SARAF: variants seen among roughly 807,000 people sequenced by gnomAD.
The protein encoded by SARAF is store-operated calcium entry-associated regulatory factor.
A neutral mutation model predicts 39.7 loss-of-function variants in SARAF; 23 were observed. The observed-to-expected ratio is 0.58, with a 90% CI of 0.42 to 0.82. The LOEUF (loss-of-function observed/expected upper bound fraction) is 0.82. Among genes scored for constraint, SARAF ranks in the 40% least tolerant of loss-of-function variants. SARAF has a pLI of 0.00. For synonymous variants in SARAF, 175 were observed against 168.5 expected (o/e 1.04, Z -0.30); for missense variants, 384 against 418.5 (o/e 0.92, Z 0.72).
chr8:30,066,254 ATGTTC>A, intron 4 of SARAF, 115 bp from the exon 5 acceptor site: 1 of 1,069,524 alleles, frequency 9.3e-7, no homozygotes, highest in East Asian at 2.6e-5. Context: ...TTTTTCCTGA[ATGTTC>A]TGGTATATCA....
At chr8:30,080,821 GTCAATAAAGTATCTTCA>G (rs1802080932) in intron 1 of SARAF, among the ~76,000 whole-genome samples, 1 of 152,206 alleles carries the variant, frequency 6.6e-6, no homozygotes, top group Non-Finnish European at 1.5e-5. Flanking sequence ...TAAATAGTAT[GTCAATAAAGTATCTTCA>G]TTTAAAAAGT....
In SARAF at chr8:30,063,668, C is replaced by T. The variant is rs1801606661; in HGVS notation, c.*220G>A. The T allele has an allele frequency of 1.7e-5, 10 of 572,724 alleles. No individual in the cohort carries two copies. The highest frequency in any genetic ancestry group is 2.9e-5 in the East Asian group (1 of 34,116). 35.5% of individuals were successfully genotyped at this position (572,724 alleles called of 1,614,324 possible). On this transcript the variant is annotated 3_prime_UTR_variant, in exon 6 of 6. Transcript: ENST00000256255. Reference sequence around the variant, plus strand: ...GATCACTTTCAAAAACTGCAATATACATCTGCATGTTACACTGACATACAA... The same window carrying T: ...GATCACTTTCAAAAACTGCAATATATATCTGCATGTTACACTGACATACAA...
At chr8:30,071,314 G>A (rs1354562826) in intron 2 of SARAF, among the ~76,000 whole-genome samples, 1 of 152,144 alleles carries the variant, frequency 6.6e-6, no homozygotes, top group Non-Finnish European at 1.5e-5. Context: ...TCACTGCACT[G>A]TACTCCAGAC....
At chr8:30,083,101 C>A, upstream of SARAF, 2 of 551,474 alleles carry the variant, frequency 3.6e-6, no homozygotes, top group Non-Finnish European at 3.1e-6. Flanking sequence ...CGGATCCGTG[C>A]GCCAACCCTA....
rs140935111 is a variant in SARAF at position 30,075,212 on chromosome 8, A to C, written c.104-1157T>G. 7.3e-3 allele frequency among the ~76,000 whole-genome samples: 1,107 copies of C among 152,118 alleles called. 23 individuals carry two copies. Among genetic ancestry groups the C allele is most frequent in the African/African-American group, 0.026 (1,063 of 41,490 alleles). On this transcript the variant is annotated intron_variant, in intron 1 of 5. Coordinates refer to ENST00000256255, the MANE Select transcript of SARAF (RefSeq NM_016127.6). ...CTACTTGGGAGGGTGAGGCAGGAGAATCGCTTGAACCTGGGAGGAGGAGGT... is the reference window on the plus strand; with the variant it reads ...CTACTTGGGAGGGTGAGGCAGGAGACTCGCTTGAACCTGGGAGGAGGAGGT...
chr8:30,063,910 T>A lies in SARAF; in HGVS notation c.998A>T (p.Tyr333Phe). The A allele has an allele frequency of 6.2e-7, 1 of 1,609,198 alleles. No individual in the cohort carries two copies. The highest frequency in any genetic ancestry group is 8.5e-7 in the Non-Finnish European group (1 of 1,178,106). ...ACTTTATCGTCTCCTGGTACCACCA[T>A]ATCCTAGAATGAGAGGGGTAAAATT... ...SDTKTRTASGYGGTRRR is the reference protein window; with the variant it reads ...SDTKTRTASGFGGTRRR The change falls in exon 6 of 6, where the codon TAT becomes TTT. Residue 333 changes from tyrosine to phenylalanine, a missense_variant. Transcript: ENST00000256255.
intron 4 of SARAF, 24 bp downstream of exon 4, chr8:30,066,753 G>A (rs1344951389): frequency 6.2e-7 from 1 of 1,613,678 alleles, no homozygotes; most frequent in South Asian, 1.1e-5. Context: ...TAAAGAGCAA[G>A]TGAGATCAAT....
At chr8:30,069,475 G>C (rs1262841451) in intron 3 of SARAF, among the ~76,000 whole-genome samples, 167 bp downstream of exon 3, 2 of 151,960 alleles carry the variant, frequency 1.3e-5, no homozygotes, top group Non-Finnish European at 2.9e-5. Context: ...AATATACCTT[G>C]GGAGAGAGCC....
rs1585433481 is a variant in SARAF, at chr8:30,066,815, T to C, written c.804A>G (p.Gly268=). Reference sequence around the variant, plus strand: ...ACAAATATCCTAGTATTCCACCAGTTCCCAAGCCTGTCCAGAACCCTGGTC... The same window carrying C: ...ACAAATATCCTAGTATTCCACCAGTCCCCAAGCCTGTCCAGAACCCTGGTC... The part of the protein sequence containing the change: ...NSGPGFWTGL[G]TGGILGYLFG... The change falls in exon 4 of 6, where the codon GGA becomes GGG. Residue 268 remains glycine, a synonymous_variant. Coordinates refer to ENST00000256255, the MANE Select transcript of SARAF (RefSeq NM_016127.6). The C allele has an allele frequency of 6.2e-7, 1 of 1,614,156 alleles. No individual in the cohort carries two copies. Among genetic ancestry groups the C allele is most frequent in the Non-Finnish European group, 8.5e-7 (1 of 1,180,014 alleles).
chr8:30,064,551 A>G (rs1378612321), intron 5 of SARAF, among the ~76,000 whole-genome samples: 3 of 46,130 alleles, frequency 6.5e-5, no homozygotes, highest in Non-Finnish European at 1.1e-4. Flanking sequence ...ATATATATAT[A>G]TATATATATA....
Position 30,063,935 on chromosome 8 carries a change from T to C in SARAF, c.995-22A>G, listed in dbSNP as rs1433498060. ...TATCCTAGAATGAGAGGGGTAAAAT[T>C]TACATTAGTTTTTAAAAATGCATTA... On this transcript the variant is annotated intron_variant, in intron 5 of 5. Coordinates refer to ENST00000256255, the MANE Select transcript of SARAF (RefSeq NM_016127.6). 2.5e-6 allele frequency: 4 copies of C among 1,589,422 alleles called. No individual in the cohort carries two copies. In the East Asian group the frequency reaches 8.9e-5, roughly 36 times the overall value.
intron 4 of SARAF, 33 bp from the exon 5 acceptor site, chr8:30,066,172 T>C (rs765444795): frequency 3.9e-6 from 6 of 1,552,958 alleles, no homozygotes; most frequent in Admixed American, 1.8e-5. Context: ...TAGGCATTTT[T>C]TTCTTGTGGC....
chr8:30,079,067 G>C (rs1359516587), intron 1 of SARAF, among the ~76,000 whole-genome samples: 2 of 146,418 alleles, frequency 1.4e-5, no homozygotes, highest in African/African-American at 2.5e-5. Flanking sequence ...TGAGGCAGGA[G>C]AATCACTTGA....
chr8:30,071,035 T>C (rs1801829018), intron 2 of SARAF, among the ~76,000 whole-genome samples: 1 of 152,186 alleles, frequency 6.6e-6, no homozygotes. Context: ...ATATGCTTCT[T>C]TAACTCTTAA....
At chr8:30,065,869 T>A in intron 5 of SARAF, 119 bp downstream of exon 5, 1 of 1,134,884 alleles carries the variant, frequency 8.8e-7, no homozygotes, top group Non-Finnish European at 1.3e-6. Flanking sequence ...CTATTAATAT[T>A]TTTGGTAGGT....
chr8:30,065,241 TTCTGTGGCGATATA>T (rs1474643341), intron 5 of SARAF, among the ~76,000 whole-genome samples: 2 of 152,304 alleles, frequency 1.3e-5, no homozygotes, highest in East Asian at 3.9e-4. Flanking sequence ...GTGTATGCAT[TTCTGTGGCGATATA>T]TCTGAGAGCA....
chr8:30,081,287 T>C (rs1033149362), intron 1 of SARAF, among the ~76,000 whole-genome samples: 1 of 152,244 alleles, frequency 6.6e-6, no homozygotes, highest in African/African-American at 2.4e-5. Context: ...AAGTGGTTCA[T>C]CTTTAATTTA....
rs1041553443 is a variant in SARAF, at chr8:30,066,120, C to T, written c.862G>A (p.Asp288Asn). ...GSNRAATPFS[D>N]SWYYPSYPPS... Reference sequence around the variant, plus strand: ...GGATAGGACGGGTAGTACCACGAGTCTGAGAAGGGTGTTGCCGCTCTTTAA... The same window carrying T: ...GGATAGGACGGGTAGTACCACGAGTTTGAGAAGGGTGTTGCCGCTCTTTAA... The change falls in exon 5 of 6, where the codon GAC becomes AAC. Residue 288 changes from aspartate (D) to asparagine (N), a missense_variant. Coordinates refer to ENST00000256255, the MANE Select transcript of SARAF (RefSeq NM_016127.6). The T allele has an allele frequency of 2.5e-6, 4 of 1,613,928 alleles. No homozygotes were observed. The African/African-American group carries it at 5.3e-5, about 22-fold the overall frequency.
intron 1 of SARAF, among the ~76,000 whole-genome samples, chr8:30,079,716 T>C (rs1317438411): frequency 2.6e-5 from 4 of 152,256 alleles, no homozygotes; most frequent in Non-Finnish European, 5.9e-5. Context: ...TTGAAATTTG[T>C]TGTGAAGCTT....
Sources: gnomAD v4.1 joint callset for allele counts (sites outside exome capture counted in the v4.1 genomes callset) on GRCh38, gnomAD v4.1.1 for gene constraint, MANE v1.5 for transcripts, NCBI Gene and HGNC (gene_info 2026-07-23, HGNC 2026-07-21) for gene names.